LHFPL3: variants seen among roughly 807,000 people sequenced by gnomAD.
LHFPL3 encodes LHFPL tetraspan subfamily member 3 protein.
Under a neutral mutation model 19.3 loss-of-function variants are expected in LHFPL3, and 5 were observed. The ratio of observed to expected loss-of-function variants is 0.26; its 90% CI spans 0.14 to 0.54. The LOEUF (loss-of-function observed/expected upper bound fraction) is 0.54, where lower values mean the gene tolerates loss of function less well. LHFPL3 is among the 20% of genes least tolerant of loss of function. LHFPL3 has a pLI of 0.94. For synonymous variants in LHFPL3, 133 were observed against 126.2 expected (o/e 1.05, Z -0.36); for missense variants, 249 against 307.4 (o/e 0.81, Z 1.42).
intron 1 of LHFPL3, among the ~76,000 whole-genome samples, chr7:104,731,347 A>C (rs1259977679): frequency 6.6e-6 from 1 of 152,004 alleles, no homozygotes; most frequent in Admixed American, 6.6e-5. Context: ...GATTCTTCCT[A>C]TCCATGAGGA....
At chr7:104,440,840 T>C (rs1368971684) in intron 1 of LHFPL3, among the ~76,000 whole-genome samples, 1 of 152,216 alleles carries the variant, frequency 6.6e-6, no homozygotes, top group Non-Finnish European at 1.5e-5. Context: ...TATTCCTTTT[T>C]TCTTTTGGCT....
At chr7:104,534,000 C>T (rs144303155) in intron 1 of LHFPL3, among the ~76,000 whole-genome samples, 3 of 152,252 alleles carry the variant, frequency 2.0e-5, no homozygotes, top group East Asian at 3.9e-4. Flanking sequence ...CTCTTCATAC[C>T]GAGTTAACCA....
At chr7:104,555,776 C>T (rs1044345854) in intron 1 of LHFPL3, among the ~76,000 whole-genome samples, 1 of 152,196 alleles carries the variant, frequency 6.6e-6, no homozygotes, top group Non-Finnish European at 1.5e-5. Context: ...AATCCACAGT[C>T]CAACATCTCA....
At position 104,901,563 on chromosome 7, in the gene LHFPL3, T is replaced by A. The variant is rs980797999; in HGVS notation, c.683-4624T>A. Among the ~76,000 whole-genome samples, 50 of 151,896 alleles carry A rather than the reference T, an allele frequency of 3.3e-4. 2 individuals carry two copies. The highest frequency in any genetic ancestry group is 5.9e-5 in the Non-Finnish European group (4 of 67,974). Reference sequence around the variant, plus strand: ...GTACCTAGGGGGCAAGCTTTTTTGTTTTTTTGTTTGTTTGCTTGTTTTTTG... The same window carrying A: ...GTACCTAGGGGGCAAGCTTTTTTGTATTTTTGTTTGTTTGCTTGTTTTTTG... On this transcript the variant is annotated intron_variant, in intron 2 of 2. Coordinates refer to ENST00000424859, the MANE Select transcript of LHFPL3 (RefSeq NM_199000.3).
intron 1 of LHFPL3, among the ~76,000 whole-genome samples, chr7:104,681,635 AG>A (rs1792706518): frequency 6.6e-6 from 1 of 151,864 alleles, no homozygotes; most frequent in African/African-American, 2.4e-5. Flanking sequence ...AAAAAAAGGA[AG>A]GGAGGGAGGA....
chr7:104,452,956 T>C (rs149107406), intron 1 of LHFPL3, among the ~76,000 whole-genome samples: 1 of 152,260 alleles, frequency 6.6e-6, no homozygotes, highest in East Asian at 1.9e-4. Context: ...TTACTTTGAG[T>C]AAATAAGCTG....
At chr7:104,396,142 G>C (rs188279555) in intron 1 of LHFPL3, among the ~76,000 whole-genome samples, 29 of 152,298 alleles carry the variant, frequency 1.9e-4, no homozygotes, top group African/African-American at 7.0e-4. Flanking sequence ...TGGAGGTTAT[G>C]TGTGACAGGT....
chr7:104,362,781 A>C (rs992594339), intron 1 of LHFPL3, among the ~76,000 whole-genome samples: 1 of 152,226 alleles, frequency 6.6e-6, no homozygotes, highest in African/African-American at 2.4e-5. Flanking sequence ...TTTGGTGGGC[A>C]TGGGGCTAGG....
intron 2 of LHFPL3, among the ~76,000 whole-genome samples, chr7:104,838,669 A>G (rs1791142525): frequency 6.6e-6 from 1 of 152,222 alleles, no homozygotes. Context: ...CAGTGACGGA[A>G]ATGTTCTTTA....
intron 2 of LHFPL3, among the ~76,000 whole-genome samples, chr7:104,859,772 C>T (rs916071995): frequency 2.0e-5 from 3 of 152,148 alleles, no homozygotes; most frequent in Non-Finnish European, 2.9e-5. Flanking sequence ...AGTGGATACA[C>T]ATCTGTCAAT....
chr7:104,452,832 G>T (rs187543287), intron 1 of LHFPL3, among the ~76,000 whole-genome samples: 1 of 152,126 alleles, frequency 6.6e-6, no homozygotes, highest in Non-Finnish European at 1.5e-5. Context: ...GCTATGAAAA[G>T]TGTAAACAAC....
At chr7:104,549,316 A>G (rs528855508) in intron 1 of LHFPL3, among the ~76,000 whole-genome samples, 37 of 151,580 alleles carry the variant, frequency 2.4e-4, no homozygotes, top group African/African-American at 9.0e-4. Flanking sequence ...ATATATATAT[A>G]TATCAGTGTT....
intron 1 of LHFPL3, among the ~76,000 whole-genome samples, chr7:104,574,718 C>T (rs1048016305): frequency 1.2e-4 from 18 of 152,062 alleles, no homozygotes; most frequent in African/African-American, 4.1e-4. Context: ...TATAAGGGAT[C>T]TTTTATAAAT....
chr7:104,593,884 T>C (rs1714686929), intron 1 of LHFPL3, among the ~76,000 whole-genome samples: 1 of 152,138 alleles, frequency 6.6e-6, no homozygotes, highest in Non-Finnish European at 1.5e-5. Context: ...TTTTTTTGCA[T>C]TCCATTTGCT....
chr7:104,520,834 CTCTT>C (rs1794043012), intron 1 of LHFPL3, among the ~76,000 whole-genome samples: 1 of 145,082 alleles, frequency 6.9e-6, no homozygotes, highest in Non-Finnish European at 1.5e-5. Flanking sequence ...TGATTCTTCT[CTCTT>C]TTTTTCTTTA....
chr7:104,588,425 G>T (rs891238236), intron 1 of LHFPL3, among the ~76,000 whole-genome samples: 1 of 152,200 alleles, frequency 6.6e-6, no homozygotes, highest in Admixed American at 6.5e-5. Context: ...TCAGATGGTT[G>T]TAGATGTGTG....
chr7:104,432,311 A>C (rs1168731802), intron 1 of LHFPL3, among the ~76,000 whole-genome samples: 1 of 152,136 alleles, frequency 6.6e-6, no homozygotes, highest in Non-Finnish European at 1.5e-5. Flanking sequence ...GGGTTGGCTC[A>C]TTATCTTGTC....
intron 1 of LHFPL3, among the ~76,000 whole-genome samples, chr7:104,475,618 A>C (rs988922520): frequency 3.3e-5 from 5 of 152,228 alleles, no homozygotes; most frequent in Admixed American, 1.3e-4. Flanking sequence ...TATGTCTCAC[A>C]GAAAGGGCTC....
chr7:104,723,485 G>A (rs1479194679), intron 1 of LHFPL3, among the ~76,000 whole-genome samples: 2 of 152,012 alleles, frequency 1.3e-5, no homozygotes, highest in African/African-American at 2.4e-5. Flanking sequence ...ACTTTGGGAG[G>A]CAGAGGTGGG....
Sources: gnomAD v4.1 joint callset for allele counts (sites outside exome capture counted in the v4.1 genomes callset) on GRCh38, gnomAD v4.1.1 for gene constraint, MANE v1.5 for transcripts, NCBI Gene and HGNC (gene_info 2026-07-23, HGNC 2026-07-21) for gene names.